ADAMTS17: variants seen among roughly 807,000 people sequenced by gnomAD.
The protein encoded by ADAMTS17 is ADAM metallopeptidase with thrombospondin type 1 motif 17, also known as A disintegrin and metalloproteinase with thrombospondin motifs 17.
Under a neutral mutation model 141.5 loss-of-function variants are expected in ADAMTS17, and 113 were observed. That is an observed-to-expected ratio of 0.80 (90% CI 0.69 to 0.93). The LOEUF (loss-of-function observed/expected upper bound fraction) is 0.93, where lower values mean the gene tolerates loss of function less well. ADAMTS17 is among the 40% of genes least tolerant of loss of function. The pLI, the probability that ADAMTS17 is intolerant of heterozygous loss-of-function variation, is 0.00. For missense variants in ADAMTS17, 1,659 were observed against 1,517.9 expected (o/e 1.09, Z -1.54); for synonymous variants, 768 against 630.6 (o/e 1.22, Z -3.27).
rs560834977 is a variant in ADAMTS17, at chr15:100,198,942, C to A, written c.1181+376G>T. ...GGACTTTAGAATTGGCAGAAAAAGACATGGAAAGTCAACAGTATAAAGATG... is the reference window on the plus strand; with the variant it reads ...GGACTTTAGAATTGGCAGAAAAAGAAATGGAAAGTCAACAGTATAAAGATG... On this transcript the variant is annotated intron_variant, in intron 8 of 21. Transcript: ENST00000268070. Among the ~76,000 whole-genome samples, 6 of 152,292 alleles carry A rather than the reference C, an allele frequency of 3.9e-5. No individual in the cohort carries two copies. In the East Asian group the frequency reaches 9.6e-4, roughly 24 times the overall value.
chr15:100,276,601 G>A (rs2044105131), intron 4 of ADAMTS17, among the ~76,000 whole-genome samples: 1 of 151,982 alleles, frequency 6.6e-6, no homozygotes, highest in Admixed American at 6.5e-5. Context: ...TGGAATGAAG[G>A]TGGCAACCAA....
rs560094205 is a variant in ADAMTS17 at position 100,152,597 on chromosome 15, C to G, written c.1473+15G>C. 4 of 1,613,160 alleles carry G rather than the reference C, an allele frequency of 2.5e-6. No homozygotes were observed. Among genetic ancestry groups the G allele is most frequent in the Non-Finnish European group, 3.4e-6 (4 of 1,180,020 alleles). On this transcript the variant is annotated intron_variant, in intron 10 of 21. Coordinates refer to ENST00000268070, the MANE Select transcript of ADAMTS17 (RefSeq NM_139057.4). ...CCATGCTCTGTCCCGAGCCAGCCCT[C>G]CCACGGCTGCTTACCTCCATGTTTC...
intron 20 of ADAMTS17, among the ~76,000 whole-genome samples, chr15:99,987,746 C>G (rs562880209): frequency 1.4e-4 from 21 of 152,288 alleles, no homozygotes; most frequent in Non-Finnish European, 1.5e-5. Context: ...GTATTCTTCC[C>G]ACTTCTCCAG....
At chr15:100,220,267 T>C (rs1380970976) in intron 7 of ADAMTS17, among the ~76,000 whole-genome samples, 1 of 152,180 alleles carries the variant, frequency 6.6e-6, no homozygotes, top group Non-Finnish European at 1.5e-5. Context: ...TAGCCCGAGA[T>C]GTCACCAGCG....
intron 4 of ADAMTS17, among the ~76,000 whole-genome samples, chr15:100,269,237 G>A (rs1249343753): frequency 2.6e-5 from 4 of 152,180 alleles, no homozygotes; most frequent in Admixed American, 2.6e-4. Context: ...TCATGACTAA[G>A]TCCTAAAAGC....
At chr15:100,304,038 A>G (rs1219625855) in intron 3 of ADAMTS17, among the ~76,000 whole-genome samples, 1 of 152,190 alleles carries the variant, frequency 6.6e-6, no homozygotes, top group Non-Finnish European at 1.5e-5. Context: ...TCAGCTCTTT[A>G]TGTCATGACT....
intron 3 of ADAMTS17, among the ~76,000 whole-genome samples, chr15:100,320,971 T>C (rs1201627889): frequency 1.3e-5 from 2 of 152,266 alleles, no homozygotes; most frequent in East Asian, 1.9e-4. Flanking sequence ...CAAGAAACAA[T>C]ACTGAGCAAG....
chr15:100,257,125 C>T (rs962696553), intron 6 of ADAMTS17: 2 of 152,202 alleles, frequency 1.3e-5, no homozygotes, highest in African/African-American at 2.4e-5. Context: ...CACGTTGGCC[C>T]GTCCTAGCTC....
chr15:100,206,671 T>C (rs2041579007), intron 7 of ADAMTS17, among the ~76,000 whole-genome samples: 1 of 152,112 alleles, frequency 6.6e-6, no homozygotes, highest in Admixed American at 6.5e-5. Context: ...GTGGTATGTT[T>C]TGGCTAAAAA....
At chr15:100,058,217 G>A (rs1331983905) in intron 15 of ADAMTS17, among the ~76,000 whole-genome samples, 2 of 18,156 alleles carry the variant, frequency 1.1e-4, no homozygotes, top group South Asian at 2.3e-3. Flanking sequence ...CCCCTATTCC[G>A]GCTCCAACAC....
chr15:100,134,979 C>G (rs57753750), intron 10 of ADAMTS17, among the ~76,000 whole-genome samples: 43,593 of 152,132 alleles, frequency 0.29, 7,148 homozygotes, highest in East Asian at 0.55. Context: ...CTCTGACCTG[C>G]GAGCTCTTTG....
intron 10 of ADAMTS17, among the ~76,000 whole-genome samples, chr15:100,148,855 G>C (rs1277748987): frequency 6.6e-6 from 1 of 151,916 alleles, no homozygotes. Context: ...CTCAAAAAAG[G>C]TGACGGAATT....
chr15:100,160,376 A>C (rs2039635027), intron 8 of ADAMTS17, among the ~76,000 whole-genome samples: 1 of 152,212 alleles, frequency 6.6e-6, no homozygotes, highest in Non-Finnish European at 1.5e-5. Context: ...AGCTACCAGA[A>C]GGGTTTTTCA....
chr15:100,139,231 A>T (rs898241284), intron 10 of ADAMTS17, among the ~76,000 whole-genome samples: 6 of 152,228 alleles, frequency 3.9e-5, no homozygotes, highest in Non-Finnish European at 5.9e-5. Context: ...ATGTAGAGAA[A>T]TCTAAAAAAA....
chr15:99,980,862 C>T (rs1434521568), intron 20 of ADAMTS17: 1 of 152,166 alleles, frequency 6.6e-6, no homozygotes. Context: ...TCTGAAAGGT[C>T]TTAGTCTTGT....
chr15:100,232,769 C>T (rs761023536), intron 7 of ADAMTS17, among the ~76,000 whole-genome samples: 1 of 152,232 alleles, frequency 6.6e-6, no homozygotes, highest in African/African-American at 2.4e-5. Context: ...AGGCCCTCCT[C>T]TCACTGCCTC....
chr15:100,164,167 C>T (rs1195113064), intron 8 of ADAMTS17, among the ~76,000 whole-genome samples: 4 of 152,154 alleles, frequency 2.6e-5, no homozygotes, highest in Non-Finnish European at 5.9e-5. Context: ...ACACAGTGGC[C>T]AGCTCAAAGT....
intron 8 of ADAMTS17, among the ~76,000 whole-genome samples, chr15:100,197,683 C>T (rs1596251175): frequency 6.6e-6 from 1 of 152,164 alleles, no homozygotes; most frequent in Non-Finnish European, 1.5e-5. Flanking sequence ...GATTTCCTCC[C>T]TACCCCAGGA....
intron 20 of ADAMTS17, among the ~76,000 whole-genome samples, chr15:99,978,250 G>A (rs931622197): frequency 2.0e-5 from 3 of 152,194 alleles, no homozygotes; most frequent in African/African-American, 7.2e-5. Flanking sequence ...GCTTCTGCAA[G>A]CCAGGTGGAT....
Sources: allele counts gnomAD v4.1 joint callset (sites outside exome capture counted in the v4.1 genomes callset), GRCh38; gene constraint gnomAD v4.1.1; transcripts MANE v1.5; gene names NCBI Gene and HGNC (gene_info 2026-07-23, HGNC 2026-07-21).